The following PLD1 variants were observed in gnomAD, a reference collection of about 807,000 sequenced individuals.
PLD1 encodes choline phosphatase 1.
Under a neutral mutation model 137.1 loss-of-function variants are expected in PLD1, and 112 were observed. The ratio of observed to expected loss-of-function variants is 0.82; its 90% CI spans 0.70 to 0.96. The LOEUF (loss-of-function observed/expected upper bound fraction) is 0.96. Ranked by LOEUF, PLD1 falls within the 40% of genes least tolerant of loss-of-function variation. PLD1 has a pLI of 0.00. For missense variants in PLD1, 1,321 were observed against 1,342.0 expected (o/e 0.98, Z 0.24); for synonymous variants, 431 against 454.7 (o/e 0.95, Z 0.66).
chr3:171,633,048 A>C (rs1399280673), intron 23 of PLD1, among the ~76,000 whole-genome samples: 3 of 152,238 alleles, frequency 2.0e-5, no homozygotes, highest in African/African-American at 4.8e-5. Context: ...AAGAAAGATA[A>C]TGGTTCCTAG....
At chr3:171,764,862 A>AG (rs796433081) in intron 1 of PLD1, among the ~76,000 whole-genome samples, 11 of 24,852 alleles carry the variant, frequency 4.4e-4, no homozygotes, top group African/African-American at 1.5e-3. Flanking sequence ...AAAGAAAGAA[A>AG]GAAAGAAAGA....
At chr3:171,684,763 T>G (rs547959500) in intron 16 of PLD1, among the ~76,000 whole-genome samples, 1 of 152,122 alleles carries the variant, frequency 6.6e-6, no homozygotes, top group East Asian at 1.9e-4. Context: ...ACTCAGCTAA[T>G]TTTTGTAGAG....
intron 1 of PLD1, chr3:171,791,957 A>G (rs13077802): frequency 0.33 from 50,302 of 152,558 alleles, 8,822 homozygotes; most frequent in Middle Eastern, 0.51. Context: ...GTTCCGGAAC[A>G]TTCCTCTCTG....
chr3:171,692,365 C>G lies in PLD1; in HGVS notation c.1305G>C (p.Lys435Asn). 1 of 1,580,234 alleles carries G rather than the reference C, an allele frequency of 6.3e-7. No individual in the cohort carries two copies. Among genetic ancestry groups the G allele is most frequent in the Non-Finnish European group, 8.7e-7 (1 of 1,149,012 alleles). The change falls in exon 13 of 27, where the codon AAG becomes AAC. Residue 435 changes from lysine to asparagine, a missense_variant. Transcript: ENST00000351298. ...TGGGATGTAGACGCATCAAAGTCCT[C>G]TTGGTGTATTCACTATTGATGCCAA... ...LALGINSEYT[K>N]RTLMRLHPNI...
intron 1 of PLD1, among the ~76,000 whole-genome samples, chr3:171,801,278 G>T (rs571177272): frequency 1.2e-4 from 19 of 152,338 alleles, no homozygotes; most frequent in African/African-American, 4.6e-4. Context: ...TGCAAATACA[G>T]GATGAAAGCT....
intron 1 of PLD1, among the ~76,000 whole-genome samples, chr3:171,748,308 T>C (rs545180807): frequency 9.2e-5 from 14 of 152,350 alleles, no homozygotes; most frequent in Admixed American, 7.2e-4. Flanking sequence ...AATTCTTCTT[T>C]ATAAAAGAAA....
rs62281875 is a variant in PLD1 at position 171,677,490 on chromosome 3, T to C, written c.1996+76A>G. The C allele has an allele frequency of 0.047, 65,440 of 1,394,520 alleles. 1,961 individuals carry two copies. The highest frequency in any genetic ancestry group is 0.11 in the Middle Eastern group (605 of 5,340). 86.4% of individuals were successfully genotyped at this position (1,394,520 alleles called of 1,614,324 possible). On this transcript the variant is annotated intron_variant, in intron 17 of 26. Coordinates refer to ENST00000351298, the MANE Select transcript of PLD1 (RefSeq NM_002662.5). ...AGCAAAACAAAAGGCATTTAGATCATGCACATGTATACTTGCTGAGATGTT... is the reference window on the plus strand; with the variant it reads ...AGCAAAACAAAAGGCATTTAGATCACGCACATGTATACTTGCTGAGATGTT...
chr3:171,677,580 T>A lies in PLD1; in HGVS notation c.1982A>T (p.Asp661Val), dbSNP rs762462912. The A allele has an allele frequency of 1.6e-4, 265 of 1,613,928 alleles. No homozygotes were observed. Among genetic ancestry groups the A allele is most frequent in the Non-Finnish European group, 2.2e-4 (258 of 1,179,884 alleles). The change falls in exon 17 of 27, where the codon GAT (aspartate) becomes GTT (valine). Residue 661 changes from aspartate to valine, a missense_variant. By Grantham distance (152) the Asp-to-Val change is radical. Coordinates refer to ENST00000351298, the MANE Select transcript of PLD1 (RefSeq NM_002662.5). The stretch of plus-strand genomic sequence containing the variant: ...ATGATACTCACCAGCAAAAGGTTTA[T>A]CAAGTTGAACCCAGTCTTTGAAGAC... Reference protein sequence around the residue: ...NFVFKDWVQLDKPFADFIDRY... With the variant: ...NFVFKDWVQLVKPFADFIDRY...
intron 20 of PLD1, among the ~76,000 whole-genome samples, chr3:171,661,190 C>T (rs1225168993): frequency 6.6e-6 from 1 of 152,072 alleles, no homozygotes; most frequent in East Asian, 1.9e-4. Context: ...ACAAATAAAG[C>T]TCCAATTCTT....
At chr3:171,665,492 C>T (rs1284628804) in intron 19 of PLD1, among the ~76,000 whole-genome samples, 1 of 152,068 alleles carries the variant, frequency 6.6e-6, no homozygotes, top group Non-Finnish European at 1.5e-5. Flanking sequence ...CTGAGGTCAG[C>T]AGTTCAAGAC....
intron 11 of PLD1, among the ~76,000 whole-genome samples, chr3:171,700,159 CCT>C (rs1325154534): frequency 2.0e-5 from 3 of 151,794 alleles, no homozygotes; most frequent in African/African-American, 7.3e-5. Context: ...GCTCTCAGAG[CCT>C]CTCTCCCACC....
chr3:171,671,531 T>C (rs77884111), intron 19 of PLD1, among the ~76,000 whole-genome samples: 4,885 of 152,308 alleles, frequency 0.032, 287 homozygotes, highest in African/African-American at 0.11. Context: ...ATTACTGTAA[T>C]AGCCTCTTCA....
At chr3:171,704,749 A>G (rs569137323) in intron 11 of PLD1, among the ~76,000 whole-genome samples, 5 of 152,320 alleles carry the variant, frequency 3.3e-5, no homozygotes, top group African/African-American at 1.2e-4. Context: ...GATAGGCTCA[A>G]TACCAGAATG....
At chr3:171,741,887 A>G (rs1345729878) in intron 1 of PLD1, among the ~76,000 whole-genome samples, 1 of 152,222 alleles carries the variant, frequency 6.6e-6, no homozygotes, top group Non-Finnish European at 1.5e-5. Context: ...AAAATACAAT[A>G]ATAATATCAA....
At chr3:171,737,728 T>G (rs1047844289) in intron 2 of PLD1, 69 bp from the exon 3 acceptor site, 3 of 1,326,900 alleles carry the variant, frequency 2.3e-6, no homozygotes, top group Admixed American at 2.2e-5. Flanking sequence ...CAGGCATTCT[T>G]TTAAGAATCA....
intron 1 of PLD1, among the ~76,000 whole-genome samples, chr3:171,785,457 T>A (rs906689227): frequency 3.0e-5 from 4 of 132,346 alleles, no homozygotes; most frequent in South Asian, 4.7e-4. Flanking sequence ...TTTTTTTTTT[T>A]AGATGGAGTC....
At chr3:171,643,163 G>C in intron 22 of PLD1, 1 of 315,740 alleles carries the variant, frequency 3.2e-6, no homozygotes, top group South Asian at 5.4e-5. Flanking sequence ...AAAAAGAAGG[G>C]TCATGAATGA....
intron 21 of PLD1, among the ~76,000 whole-genome samples, chr3:171,657,084 T>C (rs1159978868): frequency 6.6e-6 from 1 of 152,208 alleles, no homozygotes; most frequent in African/African-American, 2.4e-5. Flanking sequence ...AGCTGTTTTT[T>C]GCCTATTGTG....
intron 21 of PLD1, among the ~76,000 whole-genome samples, chr3:171,648,102 A>T (rs1736417840): frequency 6.6e-6 from 1 of 152,146 alleles, no homozygotes; most frequent in Non-Finnish European, 1.5e-5. Context: ...TATCACATTC[A>T]TCTGTTAATG....
Sources: gnomAD v4.1 joint callset for allele counts (sites outside exome capture counted in the v4.1 genomes callset) on GRCh38, gnomAD v4.1.1 for gene constraint, MANE v1.5 for transcripts, NCBI Gene and HGNC (gene_info 2026-07-23, HGNC 2026-07-21) for gene names.